BICC1: variants seen among roughly 807,000 people sequenced by gnomAD.
BICC1 encodes the protein BicC family RNA binding protein 1, also known as protein bicaudal C homolog 1.
A neutral mutation model predicts 111.0 loss-of-function variants in BICC1; 43 were observed. The observed-to-expected ratio is 0.39, with a 90% confidence interval of 0.30 to 0.50. The LOEUF is 0.50. BICC1 is among the 20% of genes least tolerant of loss of function. BICC1 has a pLI of 0.88. For synonymous variants in BICC1, 467 were observed against 434.4 expected, an observed-to-expected ratio of 1.07 and a Z score of -0.93; for missense variants, 1,091 against 1,203.2, an observed-to-expected ratio of 0.91 and a Z score of 1.38.
chr10:58,815,226 A>G (rs1844051493), intron 18 of BICC1, among the ~76,000 whole-genome samples: 1 of 152,142 alleles, frequency 6.6e-6, no homozygotes. Context: ...CGTTACTATC[A>G]CTCATGTCAG....
chr10:58,671,638 C>T lies in BICC1; in HGVS notation c.238-30436C>T, dbSNP rs151231263. 1.3e-4 allele frequency among the ~76,000 whole-genome samples: 20 copies of T among 152,218 alleles called. No individual in the cohort carries two copies. The East Asian group carries it at 3.9e-3, about 29-fold the overall frequency. On this transcript the variant is annotated intron_variant, in intron 2 of 20. Coordinates refer to ENST00000373886, the MANE Select transcript of BICC1 (RefSeq NM_001080512.3). Reference sequence around the variant, plus strand: ...ATTAGGGTGGGCTGCTTAACTACTTCCATGCTTCCCTTGATTTCACATTAT... The same window carrying T: ...ATTAGGGTGGGCTGCTTAACTACTTTCATGCTTCCCTTGATTTCACATTAT...
chr10:58,653,136 T>C (rs1376445517), intron 2 of BICC1, among the ~76,000 whole-genome samples: 1 of 152,204 alleles, frequency 6.6e-6, no homozygotes, highest in Non-Finnish European at 1.5e-5. Context: ...GTTAAGTTAC[T>C]CTAAAATATG....
At chr10:58,669,666 T>C (rs1370123818) in intron 2 of BICC1, among the ~76,000 whole-genome samples, 2 of 152,078 alleles carry the variant, frequency 1.3e-5, no homozygotes, top group African/African-American at 4.8e-5. Flanking sequence ...TTATCTACTA[T>C]AAAATAGGTC....
At chr10:58,683,257 C>T (rs542495273) in intron 2 of BICC1, among the ~76,000 whole-genome samples, 2 of 152,212 alleles carry the variant, frequency 1.3e-5, no homozygotes, top group South Asian at 2.1e-4. Flanking sequence ...TGTTTTGGTA[C>T]CAGTACCATG....
intron 3 of BICC1, among the ~76,000 whole-genome samples, chr10:58,781,484 A>T (rs988844619): frequency 6.6e-6 from 1 of 152,202 alleles, no homozygotes; most frequent in Admixed American, 6.5e-5. Flanking sequence ...TTTTAAGAGT[A>T]AATGTCTCAA....
chr10:58,675,367 T>A (rs1302797620), intron 2 of BICC1, among the ~76,000 whole-genome samples: 1 of 152,096 alleles, frequency 6.6e-6, no homozygotes, highest in African/African-American at 2.4e-5. Flanking sequence ...GAATAGTTAA[T>A]CAAGAAGTTC....
In BICC1 at chr10:58,829,938, CAAAT is replaced by C. The variant is rs1160352994; in HGVS notation, c.*1050_*1053del. 6.6e-6 allele frequency: 1 copy of C among 152,024 alleles called. No homozygotes were observed. The highest frequency in any genetic ancestry group is 2.4e-5 in the African/African-American group (1 of 41,396). The allele number at this position is 152,024 out of a possible 1,614,324, so 9.4% of individuals were successfully genotyped here. On this transcript the variant is annotated 3_prime_UTR_variant, in exon 21 of 21. Coordinates refer to ENST00000373886, the MANE Select transcript of BICC1 (RefSeq NM_001080512.3). ...GAGATTGTCACTTTATTTAAAAAGACAAATAATCATCTGACAAGACAGCACTGTT... is the reference window on the plus strand; with the variant it reads ...GAGATTGTCACTTTATTTAAAAAGACAATCATCTGACAAGACAGCACTGTT...
At chr10:58,614,314 C>T (rs887440307) in intron 1 of BICC1, among the ~76,000 whole-genome samples, 3 of 152,160 alleles carry the variant, frequency 2.0e-5, no homozygotes, top group Non-Finnish European at 4.4e-5. Context: ...GATTGGGACT[C>T]AACACCGTTT....
chr10:58,602,859 C>T (rs1023051521), intron 1 of BICC1, among the ~76,000 whole-genome samples: 5 of 152,134 alleles, frequency 3.3e-5, no homozygotes, highest in African/African-American at 1.2e-4. Context: ...TGAATGATGA[C>T]CCTTGCTGCC....
chr10:58,584,055 AACACACACACACACAC>A (rs140080926), intron 1 of BICC1, among the ~76,000 whole-genome samples: 7 of 147,874 alleles, frequency 4.7e-5, no homozygotes, highest in East Asian at 2.0e-4. Context: ...GTAAACATGA[AACACACACACACACAC>A]ACACACACAC....
At chr10:58,805,012 G>A (rs544229064) in intron 15 of BICC1, among the ~76,000 whole-genome samples, 102 of 152,226 alleles carry the variant, frequency 6.7e-4, no homozygotes, top group Middle Eastern at 3.4e-3. Flanking sequence ...CTGCAAGTCA[G>A]CCAGGCATGG....
chr10:58,605,626 C>A (rs1845185291), intron 1 of BICC1, among the ~76,000 whole-genome samples: 1 of 152,188 alleles, frequency 6.6e-6, no homozygotes. Flanking sequence ...CTGTGCATAT[C>A]CTCTGTACAC....
At chr10:58,755,867 G>A (rs566306654) in intron 3 of BICC1, among the ~76,000 whole-genome samples, 31 of 152,160 alleles carry the variant, frequency 2.0e-4, no homozygotes, top group Admixed American at 8.5e-4. Context: ...ACTGCCTGTG[G>A]ACATTTTCCA....
At chr10:58,568,325 A>C (rs1233014486) in intron 1 of BICC1, among the ~76,000 whole-genome samples, 1 of 152,080 alleles carries the variant, frequency 6.6e-6, no homozygotes, top group Non-Finnish European at 1.5e-5. Flanking sequence ...CTAGGATTTG[A>C]TACGAAAGGG....
At position 58,678,779 on chromosome 10, in the gene BICC1, A is replaced by G. The variant is rs958406038; in HGVS notation, c.238-23295A>G. 5.6e-4 allele frequency among the ~76,000 whole-genome samples: 86 copies of G among 152,244 alleles called. 1 individual carries two copies. The highest frequency in any genetic ancestry group is 2.0e-3 in the African/African-American group (83 of 41,560). On this transcript the variant is annotated intron_variant, in intron 2 of 20. Coordinates refer to ENST00000373886, the MANE Select transcript of BICC1 (RefSeq NM_001080512.3). ...CACTTATTCTAAAACTGACCACATA[A>G]TTGGAAGTAAAACACTCCTCAGCAA...
At chr10:58,583,616 G>A (rs1844347550) in intron 1 of BICC1, among the ~76,000 whole-genome samples, 1 of 151,314 alleles carries the variant, frequency 6.6e-6, no homozygotes, top group Admixed American at 6.6e-5. Flanking sequence ...GTGTGTGTGT[G>A]TGTGTGTGTG....
chr10:58,723,208 G>A (rs879936278), intron 3 of BICC1, among the ~76,000 whole-genome samples: 18 of 152,108 alleles, frequency 1.2e-4, no homozygotes, highest in Non-Finnish European at 2.1e-4. Context: ...GGGAAGAAGG[G>A]AGTGAGACAA....
chr10:58,555,836 C>T (rs898307856), intron 1 of BICC1, among the ~76,000 whole-genome samples: 8 of 152,264 alleles, frequency 5.3e-5, no homozygotes, highest in African/African-American at 1.9e-4. Flanking sequence ...TATTTCACCA[C>T]TGTGTTATCA....
chr10:58,518,607 G>A (rs1842308537), intron 1 of BICC1, among the ~76,000 whole-genome samples: 1 of 136,030 alleles, frequency 7.4e-6, no homozygotes, highest in Admixed American at 7.6e-5. Context: ...GGGGGGGTGT[G>A]TTTGATGTGT....
Sources: allele counts gnomAD v4.1 joint callset (sites outside exome capture counted in the v4.1 genomes callset), GRCh38; gene constraint gnomAD v4.1.1; transcripts MANE v1.5; gene names NCBI Gene and HGNC (gene_info 2026-07-23, HGNC 2026-07-21).